Variants in PCDHA11 observed in about 807,000 individuals in gnomAD.
PCDHA11 encodes the protein protocadherin alpha 11.
Under a neutral mutation model 70.3 loss-of-function variants are expected in PCDHA11, and 61 were observed. That is an observed-to-expected ratio of 0.87 (90% confidence interval 0.71 to 1.07). The LOEUF is 1.07. Among genes scored for constraint, PCDHA11 ranks in the 50% least tolerant of loss-of-function variants. PCDHA11 has a pLI of 0.00. For missense variants in PCDHA11, 1,324 were observed against 1,237.5 expected (o/e 1.07, Z -1.05); for synonymous variants, 633 against 555.1 (o/e 1.14, Z -1.97).
intron 1 of PCDHA11, chr5:140,884,210 C>G: frequency 6.2e-7 from 1 of 1,613,532 alleles, no homozygotes; most frequent in South Asian, 1.1e-5. Context: ...CCACCGCCTT[C>G]TGGTGCTGGT....
chr5:141,005,821 C>T (rs557161446), intron 3 of PCDHA11, among the ~76,000 whole-genome samples: 1 of 150,884 alleles, frequency 6.6e-6, no homozygotes, highest in African/African-American at 2.4e-5. Context: ...GGTATGGTGG[C>T]CTGTAGTCCC....
intron 1 of PCDHA11, chr5:140,875,488 C>G: frequency 3.7e-6 from 6 of 1,612,568 alleles, no homozygotes; most frequent in Non-Finnish European, 5.1e-6. Flanking sequence ...GATTATCGGA[C>G]CAAGAGGCCC....
chr5:140,966,984 G>C lies in PCDHA11; in HGVS notation c.2392-11965G>C, dbSNP rs1217682338. ...CTGGGGCTTGAGCTGCGGCGCTTGGGGCCGGGTTGCTTGCGCATCAACCAT... is the reference window on the plus strand; with the variant it reads ...CTGGGGCTTGAGCTGCGGCGCTTGGCGCCGGGTTGCTTGCGCATCAACCAT... On this transcript the variant is annotated intron_variant, in intron 1 of 3. Transcript: ENST00000398640. 21 of 1,603,802 alleles carry C rather than the reference G, an allele frequency of 1.3e-5. No homozygotes were observed. The East Asian group carries it at 4.5e-4, about 34-fold the overall frequency.
chr5:140,917,960 T>C (rs531936377), intron 1 of PCDHA11, among the ~76,000 whole-genome samples: 8 of 152,316 alleles, frequency 5.3e-5, no homozygotes, highest in East Asian at 3.9e-4. Context: ...AGGAACATCA[T>C]TGAATCTGTG....
At chr5:140,875,413 C>T (rs2055464602) in intron 1 of PCDHA11, 2 of 1,507,300 alleles carry the variant, frequency 1.3e-6, no homozygotes, top group South Asian at 2.7e-5. Flanking sequence ...TCATAAAATA[C>T]CTCAGGCAAG....
In PCDHA11 at chr5:140,870,167, C is replaced by A; in HGVS notation, c.1064C>A (p.Ser355Tyr). ...NSPEVAVTSLSLPVREDAQPS... is the reference protein window; with the variant it reads ...NSPEVAVTSLYLPVREDAQPS... ...CCTGAAGTCGCCGTGACTTCCTTGT[C>A]CCTCCCAGTACGAGAGGACGCTCAG... Residue 355 changes from serine (S) to tyrosine (Y), a missense_variant, in exon 1 of 4, where the codon TCC (serine) becomes TAC (tyrosine). Ser to Tyr is a moderately radical substitution (Grantham distance 144). Coordinates refer to ENST00000398640, the MANE Select transcript of PCDHA11 (RefSeq NM_018902.5). 6.2e-7 allele frequency: 1 copy of A among 1,614,134 alleles called. No individual in the cohort carries two copies. Among genetic ancestry groups the A allele is most frequent in the East Asian group, 2.2e-5 (1 of 44,882 alleles).
rs1554168215 is a variant in PCDHA11, at chr5:140,876,039, T to A, written c.2391+4545T>A. 3 of 1,613,746 alleles carry A rather than the reference T, an allele frequency of 1.9e-6. No individual in the cohort carries two copies. Among genetic ancestry groups the A allele is most frequent in the South Asian group, 2.2e-5 (2 of 91,062 alleles). On this transcript the variant is annotated intron_variant, in intron 1 of 3. Transcript: ENST00000398640. ...AAATAAAAACAAAAAAAGATAAAAG[T>A]ATATTGCCTGAATTAGTTCTTCGGA...
At chr5:140,890,968 T>C (rs559851253) in intron 1 of PCDHA11, among the ~76,000 whole-genome samples, 7 of 152,190 alleles carry the variant, frequency 4.6e-5, no homozygotes, top group African/African-American at 7.2e-5. Flanking sequence ...AGGTTTTGTT[T>C]TTCTGAAAAT....
At chr5:140,882,096 T>A in intron 1 of PCDHA11, 1 of 1,224,746 alleles carries the variant, frequency 8.2e-7, no homozygotes, top group Non-Finnish European at 1.1e-6. Flanking sequence ...ACTGAGAACG[T>A]TTCCGCGAAG....
intron 3 of PCDHA11, among the ~76,000 whole-genome samples, chr5:140,996,043 C>T (rs1282990779): frequency 6.6e-6 from 1 of 152,202 alleles, no homozygotes; most frequent in Non-Finnish European, 1.5e-5. Context: ...GCACTTAACA[C>T]AGTGCTTGGC....
chr5:140,883,406 G>A, intron 1 of PCDHA11: 2 of 1,614,156 alleles, frequency 1.2e-6, no homozygotes, highest in South Asian at 2.2e-5. Context: ...TCGTGACTCT[G>A]GCTCAAATGG....
At chr5:140,925,665 A>C (rs2082643258) in intron 1 of PCDHA11, among the ~76,000 whole-genome samples, 1 of 149,266 alleles carries the variant, frequency 6.7e-6, no homozygotes, top group Non-Finnish European at 1.5e-5. Flanking sequence ...TAATAATAAT[A>C]ATAATAATAA....
At chr5:141,007,638 T>G (rs1393056593) in intron 3 of PCDHA11, among the ~76,000 whole-genome samples, 7 of 152,128 alleles carry the variant, frequency 4.6e-5, no homozygotes, top group African/African-American at 1.7e-4. Context: ...GCCCTCCCTG[T>G]ATTTGCCTAA....
At chr5:140,950,791 A>T (rs2153690738) in intron 1 of PCDHA11, among the ~76,000 whole-genome samples, 1 of 152,142 alleles carries the variant, frequency 6.6e-6, no homozygotes, top group East Asian at 1.9e-4. Flanking sequence ...CTTTTTAAAT[A>T]TTGTCTGGTT....
chr5:140,941,185 CTTT>C (rs782102770), intron 1 of PCDHA11, among the ~76,000 whole-genome samples: 1 of 102,176 alleles, frequency 9.8e-6, no homozygotes, highest in Admixed American at 9.9e-5. Flanking sequence ...CATCCTGCTT[CTTT>C]TTTTTTCTTT....
chr5:140,869,243 G>T lies in PCDHA11; in HGVS notation c.140G>T (p.Arg47Leu), dbSNP rs1554162716. The T allele has an allele frequency of 1.9e-6, 3 of 1,613,544 alleles. No homozygotes were observed. Among genetic ancestry groups the T allele is most frequent in the Non-Finnish European group, 2.5e-6 (3 of 1,179,970 alleles). The change falls in exon 1 of 4, where the codon CGC becomes CTC. Residue 47 changes from arginine (R) to leucine (L), a missense_variant. Transcript: ENST00000398640. ...GCCAAACACGGCACCTTCGTGGGCC[G>T]CATCGCGCAGGACCTGGGGCTGGAG... is the stretch of plus-strand genomic sequence containing the variant. ...EEAKHGTFVG[R>L]IAQDLGLELA... is the part of the protein sequence containing the mutation.
intron 1 of PCDHA11, chr5:140,968,519 A>G (rs1030847582): frequency 1.2e-6 from 2 of 1,614,008 alleles, no homozygotes; most frequent in South Asian, 1.1e-5. Flanking sequence ...CCCTACCTCA[A>G]CCAACTCGTC....
intron 1 of PCDHA11, among the ~76,000 whole-genome samples, chr5:140,926,146 G>T (rs553563976): frequency 6.6e-5 from 10 of 152,056 alleles, no homozygotes; most frequent in Non-Finnish European, 1.3e-4. Context: ...GATCCAGCGC[G>T]GAAAGCTCTG....
chr5:141,001,529 A>T (rs1344687772), intron 3 of PCDHA11, among the ~76,000 whole-genome samples: 1 of 152,106 alleles, frequency 6.6e-6, no homozygotes, highest in Non-Finnish European at 1.5e-5. Context: ...TCTCTCTCTG[A>T]TCCTGGACAG....
Sources: gnomAD v4.1 joint callset for allele counts (sites outside exome capture counted in the v4.1 genomes callset) on GRCh38, gnomAD v4.1.1 for gene constraint, MANE v1.5 for transcripts, NCBI Gene and HGNC (gene_info 2026-07-23, HGNC 2026-07-21) for gene names.